The following STARD13 variants were observed in gnomAD, a reference collection of about 807,000 sequenced individuals.
The protein encoded by STARD13 is stAR-related lipid transfer protein 13.
A neutral mutation model predicts 106.4 loss-of-function variants in STARD13; 62 were observed. The ratio of observed to expected loss-of-function variants is 0.58; its 90% CI spans 0.48 to 0.72. STARD13 has a LOEUF of 0.72. STARD13 is among the 30% of genes least tolerant of loss of function. The probability of loss-of-function intolerance (pLI) is 0.00; values close to 1 mark genes in which losing one functional copy is unlikely to be tolerated. For synonymous variants in STARD13, 565 were observed against 553.0 expected (o/e 1.02, Z -0.31); for missense variants, 1,387 against 1,424.0 (o/e 0.97, Z 0.42).
chr13:33,538,116 G>A, the STARD13 span, among the ~76,000 whole-genome samples: 1 of 152,076 alleles, frequency 6.6e-6, no homozygotes. Flanking sequence ...CTCAGATTAC[G>A]AGGATTTAAA....
the STARD13 span, among the ~76,000 whole-genome samples, chr13:33,416,240 CA>C: frequency 6.6e-6 from 1 of 152,160 alleles, no homozygotes; most frequent in African/African-American, 2.4e-5. Context: ...GAGGAATTAT[CA>C]ATCACTAGAT....
intron 3 of STARD13, among the ~76,000 whole-genome samples, chr13:33,156,701 C>A (rs1882026294): frequency 6.6e-6 from 1 of 152,082 alleles, no homozygotes; most frequent in Admixed American, 6.5e-5. Context: ...TGCTGAAGAG[C>A]TTAAAACAGA....
the STARD13 span, among the ~76,000 whole-genome samples, chr13:33,433,814 A>T: frequency 6.6e-6 from 1 of 151,526 alleles, no homozygotes; most frequent in East Asian, 1.9e-4. Context: ...ATGGCTGTGT[A>T]TTTGCCCCCT....
the STARD13 span, among the ~76,000 whole-genome samples, chr13:33,391,246 G>C: frequency 1.3e-5 from 2 of 152,114 alleles, 1 homozygote; most frequent in Non-Finnish European, 2.9e-5. Context: ...CAGAGCCAAC[G>C]ATATTGACAA....
At chr13:33,301,473 T>A (rs1282620313) in intron 1 of STARD13, among the ~76,000 whole-genome samples, 1 of 152,154 alleles carries the variant, frequency 6.6e-6, no homozygotes, top group Non-Finnish European at 1.5e-5. Flanking sequence ...GGCTAACGTA[T>A]GAAGACTCAA....
At chr13:33,308,520 C>CT (rs552526416) in intron 1 of STARD13, among the ~76,000 whole-genome samples, 33,033 of 88,752 alleles carry the variant, frequency 0.37, 6,573 homozygotes, top group South Asian at 0.48. Context: ...CTTTTTCTTT[C>CT]TTTTTTTTTT....
the STARD13 span, among the ~76,000 whole-genome samples, chr13:33,610,520 C>A: frequency 6.6e-6 from 1 of 152,248 alleles, no homozygotes; most frequent in African/African-American, 2.4e-5. Context: ...GCTGCTCCTG[C>A]GCCTGCGCTG....
chr13:33,355,354 A>G (rs2078114672), upstream of STARD13: 1 of 152,208 alleles, frequency 6.6e-6, no homozygotes, highest in Non-Finnish European at 1.5e-5. Flanking sequence ...AGAGTGGAGA[A>G]GCACATTCCA....
At chr13:33,367,941 CAG>C in the STARD13 span, among the ~76,000 whole-genome samples, 1 of 152,008 alleles carries the variant, frequency 6.6e-6, no homozygotes, top group East Asian at 1.9e-4. Context: ...CTGTCATGGC[CAG>C]ATATGTGGCC....
intron 1 of STARD13, among the ~76,000 whole-genome samples, chr13:33,267,926 T>A (rs1424624578): frequency 1.3e-5 from 2 of 152,166 alleles, no homozygotes; most frequent in African/African-American, 4.8e-5. Context: ...TCTTACCACA[T>A]CTTATGAGAG....
the STARD13 span, among the ~76,000 whole-genome samples, chr13:33,514,063 A>G: frequency 3.0e-4 from 45 of 152,288 alleles, no homozygotes; most frequent in African/African-American, 9.4e-4. Context: ...AAGTTAACCC[A>G]TTGATATTTA....
At chr13:33,120,598 TG>T (rs1471411085) in intron 7 of STARD13, among the ~76,000 whole-genome samples, 1 of 152,200 alleles carries the variant, frequency 6.6e-6, no homozygotes, top group African/African-American at 2.4e-5. Flanking sequence ...TGTGGATTTT[TG>T]TTGGAAGTAC....
rs368835264 is a variant in STARD13 at position 33,142,371 on chromosome 13, C to T, written c.326G>A (p.Arg109Gln). 6 of 1,613,330 alleles carry T rather than the reference C, an allele frequency of 3.7e-6. No individual in the cohort carries two copies. Among genetic ancestry groups the T allele is most frequent in the African/African-American group, 1.3e-5 (1 of 74,884 alleles). The change falls in exon 4 of 14, where the codon CGA becomes CAA. Residue 109 changes from arginine (R) to glutamine (Q), a missense_variant and splice_region_variant. Arg to Gln is a conservative substitution (Grantham distance 43). Coordinates refer to ENST00000336934, the MANE Select transcript of STARD13 (RefSeq NM_178006.4). ...GGCACACTTGTTCAACGTATTTAGTCGTCTAAAAGGAAAGAAAAATGTGAT... is the reference window on the plus strand; with the variant it reads ...GGCACACTTGTTCAACGTATTTAGTTGTCTAAAAGGAAAGAAAAATGTGAT... ...EKDLVEPLCR[R>Q]LNTLNKCASM...
the STARD13 span, among the ~76,000 whole-genome samples, chr13:33,387,995 A>G: frequency 1.3e-5 from 2 of 152,200 alleles, no homozygotes; most frequent in Non-Finnish European, 2.9e-5. Context: ...TTCCTCTGTA[A>G]GCACATGAGT....
chr13:33,535,283 A>C, the STARD13 span, among the ~76,000 whole-genome samples: 1 of 152,176 alleles, frequency 6.6e-6, no homozygotes, highest in African/African-American at 2.4e-5. Flanking sequence ...GACTGGCCAA[A>C]AATAAAAGCA....
intron 1 of STARD13, among the ~76,000 whole-genome samples, chr13:33,184,015 T>C (rs1218525432): frequency 6.6e-6 from 1 of 152,130 alleles, no homozygotes; most frequent in African/African-American, 2.4e-5. Context: ...GAAAAATATA[T>C]GATGTAATGG....
At chr13:33,350,110 G>A (rs2078059650) in intron 1 of STARD13, among the ~76,000 whole-genome samples, 2 of 152,118 alleles carry the variant, frequency 1.3e-5, no homozygotes. Context: ...GGGAGGCGCG[G>A]CGGGAGGGCG....
the STARD13 span, among the ~76,000 whole-genome samples, chr13:33,588,492 A>G: frequency 6.6e-6 from 1 of 152,238 alleles, no homozygotes; most frequent in South Asian, 2.1e-4. Context: ...TAAAAAAGCC[A>G]TCATCTAATG....
chr13:33,543,606 G>A, the STARD13 span, among the ~76,000 whole-genome samples: 10,155 of 152,244 alleles, frequency 0.067, 524 homozygotes, highest in East Asian at 0.28. Context: ...GATAGCACAT[G>A]TTAACTTGAC....
Sources: allele counts gnomAD v4.1 joint callset (sites outside exome capture counted in the v4.1 genomes callset), GRCh38; gene constraint gnomAD v4.1.1; transcripts MANE v1.5; gene names NCBI Gene and HGNC (gene_info 2026-07-23, HGNC 2026-07-21).